Variants in PPARGC1A observed in about 807,000 individuals in gnomAD.
The protein encoded by PPARGC1A is PPARG coactivator 1 alpha.
A neutral mutation model predicts 88.7 loss-of-function variants in PPARGC1A; 25 were observed. The observed-to-expected ratio is 0.28, with a 90% CI of 0.21 to 0.39. The LOEUF (loss-of-function observed/expected upper bound fraction) is 0.39, where lower values mean the gene tolerates loss of function less well. Among genes scored for constraint, PPARGC1A ranks in the 10% least tolerant of loss-of-function variants. The probability of loss-of-function intolerance (pLI) is 1.00; values close to 1 mark genes in which losing one functional copy is unlikely to be tolerated. For synonymous variants in PPARGC1A, 363 were observed against 355.6 expected, an observed-to-expected ratio of 1.02 and a Z score of -0.24; for missense variants, 880 against 968.7, an observed-to-expected ratio of 0.91 and a Z score of 1.22.
intron 12 of PPARGC1A, among the ~76,000 whole-genome samples, chr4:23,800,274 A>T (rs1290211592): frequency 6.6e-6 from 1 of 152,128 alleles, no homozygotes; most frequent in African/African-American, 2.4e-5. Context: ...TAATTATGTC[A>T]TATGCACAAG....
chr4:24,400,676 A>T, the PPARGC1A span, among the ~76,000 whole-genome samples: 1 of 152,190 alleles, frequency 6.6e-6, no homozygotes, highest in East Asian at 1.9e-4. Context: ...GTAGGTGTCT[A>T]ATTTGCAGAA....
the PPARGC1A span, among the ~76,000 whole-genome samples, chr4:24,186,038 A>T: frequency 6.6e-6 from 1 of 152,176 alleles, no homozygotes; most frequent in Non-Finnish European, 1.5e-5. Flanking sequence ...CTACCCATGT[A>T]CAGCAAGTTC....
chr4:24,459,650 C>T, the PPARGC1A span, among the ~76,000 whole-genome samples: 2 of 152,068 alleles, frequency 1.3e-5, no homozygotes, highest in East Asian at 3.9e-4. Flanking sequence ...ATTAGCCAGG[C>T]ATGGTGTTGC....
At chr4:24,272,675 C>T in the PPARGC1A span, among the ~76,000 whole-genome samples, 1 of 152,164 alleles carries the variant, frequency 6.6e-6, no homozygotes, top group African/African-American at 2.4e-5. Context: ...GGGGAAGAAC[C>T]CCCAACGTCA....
At position 23,826,676 on chromosome 4, in the gene PPARGC1A, GT is replaced by G. The variant is rs1290830665; in HGVS notation, c.757+1723del. Among the ~76,000 whole-genome samples, 19 of 152,190 alleles carry G rather than the reference GT, an allele frequency of 1.2e-4. No homozygotes were observed. The East Asian group carries it at 3.7e-3, about 29-fold the overall frequency. On this transcript the variant is annotated intron_variant, in intron 5 of 12. Coordinates refer to ENST00000264867, the MANE Select transcript of PPARGC1A (RefSeq NM_013261.5). Reference sequence around the variant, plus strand: ...TTATTAGTTCTTACTTGTCAGCCATGTTTCATTTCTTTTAAGCCTTTCATAA... The same window carrying G: ...TTATTAGTTCTTACTTGTCAGCCATGTTCATTTCTTTTAAGCCTTTCATAA...
At chr4:24,036,170 T>TA in the PPARGC1A span, among the ~76,000 whole-genome samples, 1 of 152,172 alleles carries the variant, frequency 6.6e-6, no homozygotes, top group African/African-American at 2.4e-5. Context: ...AGAAAGCATT[T>TA]AGATAGAGAA....
the PPARGC1A span, among the ~76,000 whole-genome samples, chr4:24,176,005 GA>G: frequency 6.6e-6 from 1 of 151,830 alleles, no homozygotes; most frequent in African/African-American, 2.4e-5. Flanking sequence ...GAAAGACAAC[GA>G]ATAACAAGGA....
chr4:24,229,203 G>A, the PPARGC1A span, among the ~76,000 whole-genome samples: 1 of 109,056 alleles, frequency 9.2e-6, no homozygotes, highest in Non-Finnish European at 1.8e-5. Flanking sequence ...ACCCAGGCTG[G>A]AGTACAGTGG....
At chr4:24,385,557 G>A in the PPARGC1A span, among the ~76,000 whole-genome samples, 1 of 151,918 alleles carries the variant, frequency 6.6e-6, no homozygotes, top group East Asian at 1.9e-4. Flanking sequence ...TGATAAAGAG[G>A]ATATCACCAC....
At chr4:24,317,555 TAAAAAAAAAAAAAAAAAAAAA>T in the PPARGC1A span, among the ~76,000 whole-genome samples, 221 of 22,218 alleles carry the variant, frequency 9.9e-3, 3 homozygotes, top group African/African-American at 0.017. Context: ...TTCAGAGGAC[TAAAAAAAAAAAAAAAAAAAAA>T]AAAAAAAAAA....
At chr4:24,177,674 A>T in the PPARGC1A span, among the ~76,000 whole-genome samples, 9 of 3,028 alleles carry the variant, frequency 3.0e-3, no homozygotes, top group East Asian at 0.038. Context: ...TAAAATTTTT[A>T]AAAAAGGAAA....
chr4:24,179,900 A>G, the PPARGC1A span, among the ~76,000 whole-genome samples: 15 of 152,168 alleles, frequency 9.9e-5, no homozygotes, highest in Non-Finnish European at 1.8e-4. Flanking sequence ...TCACATTAAA[A>G]CACAAAAACA....
the PPARGC1A span, among the ~76,000 whole-genome samples, chr4:24,357,966 C>A: frequency 6.6e-6 from 1 of 152,170 alleles, no homozygotes; most frequent in African/African-American, 2.4e-5. Context: ...GACTAATATA[C>A]TGTTGCTTAA....
At chr4:23,988,245 A>G in the PPARGC1A span, among the ~76,000 whole-genome samples, 2,492 of 152,190 alleles carry the variant, frequency 0.016, 64 homozygotes, top group African/African-American at 0.056. Context: ...TGCAATGAAC[A>G]TATGTGTGCA....
chr4:24,288,583 T>A, the PPARGC1A span, among the ~76,000 whole-genome samples: 1 of 152,306 alleles, frequency 6.6e-6, no homozygotes, highest in East Asian at 1.9e-4. Flanking sequence ...GTAAAATGTG[T>A]TTTATGACAC....
At chr4:24,022,893 A>T in the PPARGC1A span, among the ~76,000 whole-genome samples, 1 of 152,200 alleles carries the variant, frequency 6.6e-6, no homozygotes, top group African/African-American at 2.4e-5. Flanking sequence ...CCCTCCTGAC[A>T]TATAAAACTA....
chr4:24,451,859 A>G, the PPARGC1A span, among the ~76,000 whole-genome samples: 1 of 152,188 alleles, frequency 6.6e-6, no homozygotes, highest in Non-Finnish European at 1.5e-5. Context: ...TACAGGCATG[A>G]GCCACTGTGC....
chr4:24,258,366 T>A, the PPARGC1A span: 1 of 193,372 alleles, frequency 5.2e-6, no homozygotes, highest in Admixed American at 6.5e-5. Context: ...TGGTGAGAAT[T>A]CAGTAATGGG....
the PPARGC1A span, among the ~76,000 whole-genome samples, chr4:24,212,938 C>G: frequency 6.6e-6 from 1 of 152,128 alleles, no homozygotes; most frequent in Non-Finnish European, 1.5e-5. Flanking sequence ...CTACACATAT[C>G]CCCTCCAGGA....
Sources: allele counts gnomAD v4.1 joint callset (sites outside exome capture counted in the v4.1 genomes callset), GRCh38; gene constraint gnomAD v4.1.1; transcripts MANE v1.5; gene names NCBI Gene and HGNC (gene_info 2026-07-23, HGNC 2026-07-21).